Variants in KDM2B observed in about 807,000 individuals in gnomAD.
The protein encoded by KDM2B is lysine-specific demethylase 2B.
KDM2B carries 26 observed loss-of-function variants against 150.0 expected under a neutral mutation model. That is an observed-to-expected ratio of 0.17 (90% CI 0.13 to 0.24). KDM2B has a LOEUF of 0.24. KDM2B is among the 10% of genes least tolerant of loss of function. KDM2B has a pLI of 1.00. For synonymous variants in KDM2B, 734 were observed against 729.5 expected, an observed-to-expected ratio of 1.01 and a Z score of -0.10; for missense variants, 1,265 against 1,816.9, an observed-to-expected ratio of 0.70 and a Z score of 5.52.
rs1555288468 is a variant in KDM2B, at chr12:121,442,206, G to C, written c.3235C>G (p.His1079Asp). Residue 1079 changes from histidine (H) to aspartate (D), a missense_variant, in exon 19 of 23, where the codon CAC (histidine) becomes GAC (aspartate). Coordinates refer to ENST00000377071, the MANE Select transcript of KDM2B (RefSeq NM_032590.5). The surrounding 1 kb of genome is among the most constrained non-coding windows in gnomAD (Gnocchi z 7.7). ...CGCATGCACACACACAGGTCTTGGT[G>C]GCTGAGGTAGCTGAAGACGGCCATC... ...VWMAVFSYLS[H>D]QDLCVCMRVC... 2 of 1,613,528 alleles carry C rather than the reference G, an allele frequency of 1.2e-6. No individual in the cohort carries two copies. Among genetic ancestry groups the C allele is most frequent in the Non-Finnish European group, 1.7e-6 (2 of 1,180,020 alleles).
At chr12:121,555,156 G>A (rs1462811491) in intron 4 of KDM2B, among the ~76,000 whole-genome samples, 2 of 152,158 alleles carry the variant, frequency 1.3e-5, no homozygotes, top group Admixed American at 1.3e-4. Flanking sequence ...CTAGGTGACA[G>A]AGTGAGACTC....
At chr12:121,420,860 CAA>C in the KDM2B span, 1 of 1,030,172 alleles carries the variant, frequency 9.7e-7, no homozygotes, top group Middle Eastern at 2.4e-4. Flanking sequence ...ACAATTAAGT[CAA>C]ATTTATTTTT....
chr12:121,553,892 C>T (rs530523774), intron 4 of KDM2B, among the ~76,000 whole-genome samples: 1 of 152,224 alleles, frequency 6.6e-6, no homozygotes, highest in South Asian at 2.1e-4. Flanking sequence ...TGTGAATATA[C>T]TGAAAACAAG....
At chr12:121,463,386 G>C (rs962230248) in intron 12 of KDM2B, among the ~76,000 whole-genome samples, 3 of 151,678 alleles carry the variant, frequency 2.0e-5, no homozygotes, top group Non-Finnish European at 2.9e-5. Flanking sequence ...TGGGTTGATA[G>C]GTACAGCAAA....
Position 121,452,621 on chromosome 12 carries a change from G to C in KDM2B, c.1959+499C>G, listed in dbSNP as rs1227913617. The stretch of plus-strand genomic sequence containing the variant: ...TTGCGAAGTCCATGTCCACTGCCCT[G>C]TCTGGGGACGAGACCAGCGGCGCGG... On this transcript the variant is annotated intron_variant, in intron 13 of 22. Coordinates refer to ENST00000377071, the MANE Select transcript of KDM2B (RefSeq NM_032590.5). The surrounding 1 kb of genome is among the most constrained non-coding windows in gnomAD (Gnocchi z 4.4). Among the ~76,000 whole-genome samples the C allele has an allele frequency of 6.6e-6, 1 of 152,286 alleles. No individual in the cohort carries two copies. Among genetic ancestry groups the C allele is most frequent in the Non-Finnish European group, 1.5e-5 (1 of 68,052 alleles).
Position 121,549,129 on chromosome 12 carries a change from G to T in KDM2B, c.577-146C>A. ...CCCAACATGGGAGGAAGGAAGGGCA[G>T]GGATGACAGGACCCACACTTTGTAG... On this transcript the variant is annotated intron_variant, in intron 5 of 22. Transcript: ENST00000377071. The surrounding 1 kb of genome is among the most constrained non-coding windows in gnomAD (Gnocchi z 4.4). 1 of 662,550 alleles carries T rather than the reference G, an allele frequency of 1.5e-6. No individual in the cohort carries two copies. Among genetic ancestry groups the T allele is most frequent in the Non-Finnish European group, 2.6e-6 (1 of 381,922 alleles). The allele number at this position is 662,550 out of a possible 1,614,324, so 41.0% of individuals were successfully genotyped here.
At position 121,537,976 on chromosome 12, in the gene KDM2B, C is replaced by A. The variant is rs1888291223; in HGVS notation, c.684-3386G>T. On this transcript the variant is annotated intron_variant, in intron 6 of 22. Transcript: ENST00000377071. This position sits in a 1 kb window ranked among gnomAD's most constrained non-coding sequence, Gnocchi z 8.7. ...GGCTCCCGGGCGTCCCCTTCGGCTG[C>A]GGAGGCTCGACGCGCGCCCGGCCCC... Among the ~76,000 whole-genome samples the A allele has an allele frequency of 6.6e-6, 1 of 150,590 alleles. No homozygotes were observed. Among genetic ancestry groups the A allele is most frequent in the African/African-American group, 2.4e-5 (1 of 41,264 alleles).
Position 121,513,196 on chromosome 12 carries a change from G to GT in KDM2B, c.1174+79dup. 4 of 1,523,544 alleles carry GT rather than the reference G, an allele frequency of 2.6e-6. No individual in the cohort carries two copies. Among genetic ancestry groups the GT allele is most frequent in the Non-Finnish European group, 3.6e-6 (4 of 1,108,738 alleles). The allele number at this position is 1,523,544 out of a possible 1,614,324, so 94.4% of individuals were successfully genotyped here. On this transcript the variant is annotated intron_variant, in intron 10 of 22. Transcript: ENST00000377071. This position sits in a 1 kb window ranked among gnomAD's most constrained non-coding sequence, Gnocchi z 5.0. ...TCAACGAATCCCCAAAACTCAGGGAGTGTCTCCAGGCCCCACTGAGAAAAT... is the reference window on the plus strand; with the variant it reads ...TCAACGAATCCCCAAAACTCAGGGAGTTGTCTCCAGGCCCCACTGAGAAAAT...
chr12:121,408,816 G>T, the KDM2B span, among the ~76,000 whole-genome samples: 1 of 152,164 alleles, frequency 6.6e-6, no homozygotes, highest in Non-Finnish European at 1.5e-5. Flanking sequence ...AAGAAAACGT[G>T]CAGAGGAGTT....
chr12:121,446,236 A>C (rs1555290297), intron 13 of KDM2B, among the ~76,000 whole-genome samples: 1 of 152,146 alleles, frequency 6.6e-6, no homozygotes, highest in African/African-American at 2.4e-5. Flanking sequence ...TCTACTAAAA[A>C]TACAAAAAGA....
At chr12:121,473,236 C>CA (rs1220250269) in intron 12 of KDM2B, among the ~76,000 whole-genome samples, 1 of 151,780 alleles carries the variant, frequency 6.6e-6, no homozygotes, top group Non-Finnish European at 1.5e-5. Flanking sequence ...ATTAAAACTA[C>CA]AAAAAATTAG....
intron 12 of KDM2B, among the ~76,000 whole-genome samples, chr12:121,457,508 C>T (rs781959385): frequency 2.0e-5 from 3 of 151,904 alleles, no homozygotes; most frequent in Non-Finnish European, 2.9e-5. Context: ...GTGATTTGCC[C>T]GCCTCAGCCT....
At chr12:121,531,876 T>G (rs1462382848) in intron 8 of KDM2B, among the ~76,000 whole-genome samples, 7 of 152,106 alleles carry the variant, frequency 4.6e-5, no homozygotes, top group Admixed American at 2.6e-4. Flanking sequence ...GAGAATCCCT[T>G]GAGGCCAGGA....
Position 121,509,651 on chromosome 12 carries a change from C to T in KDM2B, c.1563G>A (p.Val521=). The change falls in exon 11 of 23, where the codon GTG becomes GTA. Residue 521 remains valine, a synonymous_variant. Transcript: ENST00000377071. ...EFELKGLKAL[V]EKLESLPENK... ...TCTCCGGGAGGGATTCCAGTTTCTCCACCAGAGCTTTCAGGCCCTTCAGTT... is the reference window on the plus strand; with the variant it reads ...TCTCCGGGAGGGATTCCAGTTTCTCTACCAGAGCTTTCAGGCCCTTCAGTT... 1 of 1,614,066 alleles carries T rather than the reference C, an allele frequency of 6.2e-7. No individual in the cohort carries two copies. Among genetic ancestry groups the T allele is most frequent in the Non-Finnish European group, 8.5e-7 (1 of 1,180,030 alleles).
chr12:121,496,416 T>C (rs1242098239), intron 11 of KDM2B, among the ~76,000 whole-genome samples: 2 of 151,940 alleles, frequency 1.3e-5, no homozygotes, highest in Non-Finnish European at 2.9e-5. Context: ...AAGGTGAAGA[T>C]TATTTTAATT....
At chr12:121,483,700 A>T (rs1440498985) in intron 12 of KDM2B, among the ~76,000 whole-genome samples, 1 of 132,504 alleles carries the variant, frequency 7.5e-6, no homozygotes, top group Admixed American at 7.8e-5. Flanking sequence ...AAACAACAAA[A>T]AAAACAAACA....
chr12:121,531,018 G>C (rs924351126), intron 8 of KDM2B, among the ~76,000 whole-genome samples: 7 of 152,120 alleles, frequency 4.6e-5, no homozygotes, highest in African/African-American at 1.7e-4. Context: ...AAGGCCAAGA[G>C]CCTTCCAGTC....
At chr12:121,466,478 G>T (rs1195012636) in intron 12 of KDM2B, among the ~76,000 whole-genome samples, 2 of 152,050 alleles carry the variant, frequency 1.3e-5, no homozygotes, top group African/African-American at 4.8e-5. Context: ...TGAATCCACC[G>T]AGGCCAACTC....
rs74825405 is a variant in KDM2B, at chr12:121,439,306, C to T, written c.3829+551G>A. ...CCTTGTCCGTATTTTGGGTCAGGAA[C>T]CACTGCTATGTGCTTGTGGCTGCTG... On this transcript the variant is annotated intron_variant, in intron 22 of 22. Transcript: ENST00000377071. Among the ~76,000 whole-genome samples, 871 of 152,168 alleles carry T rather than the reference C, an allele frequency of 5.7e-3. 8 individuals carry two copies. Among genetic ancestry groups the T allele is most frequent in the African/African-American group, 0.02 (812 of 41,498 alleles).
Sources: gnomAD v4.1 joint callset for allele counts (sites outside exome capture counted in the v4.1 genomes callset) on GRCh38, gnomAD v4.1.1 for gene constraint, Gnocchi (gnomAD v3.1) non-coding constraint, MANE v1.5 for transcripts, NCBI Gene and HGNC (gene_info 2026-07-23, HGNC 2026-07-21) for gene names.